IQGAP1: variants seen among roughly 807,000 people sequenced by gnomAD.
The protein encoded by IQGAP1 is ras GTPase-activating-like protein IQGAP1.
Under a neutral mutation model 215.6 loss-of-function variants are expected in IQGAP1, and 66 were observed. That is an observed-to-expected ratio of 0.31 (90% CI 0.25 to 0.38). The LOEUF (loss-of-function observed/expected upper bound fraction) is 0.38. Ranked by LOEUF, IQGAP1 falls within the 10% of genes least tolerant of loss-of-function variation. The probability of loss-of-function intolerance (pLI) is 1.00; values close to 1 mark genes in which losing one functional copy is unlikely to be tolerated. For missense variants in IQGAP1, 1,712 were observed against 1,997.1 expected (o/e 0.86, Z 2.72); for synonymous variants, 772 against 728.7 (o/e 1.06, Z -0.96).
chr15:90,476,979 A>G lies in IQGAP1; in HGVS notation c.2941-88A>G. On this transcript the variant is annotated intron_variant, in intron 24 of 37. Coordinates refer to ENST00000268182, the MANE Select transcript of IQGAP1 (RefSeq NM_003870.4). Reference sequence around the variant, plus strand: ...TTTATTAATCTTTTTTCTCATATGTATTGTAGTCCTTCAATTTTAAATAAT... The same window carrying G: ...TTTATTAATCTTTTTTCTCATATGTGTTGTAGTCCTTCAATTTTAAATAAT... The G allele has an allele frequency of 2.9e-6, 4 of 1,389,940 alleles. No individual in the cohort carries two copies. In the South Asian group the frequency reaches 5.0e-5, roughly 17 times the overall value. The allele number at this position is 1,389,940 out of a possible 1,614,324, so 86.1% of individuals were successfully genotyped here. A position where few individuals can be genotyped will look rare whatever the true frequency, so the allele number is the denominator to read the frequency against.
At chr15:90,451,200 A>T (rs2151023188) in intron 11 of IQGAP1, among the ~76,000 whole-genome samples, 1 of 152,332 alleles carries the variant, frequency 6.6e-6, no homozygotes, top group South Asian at 2.1e-4. Context: ...CAGTTTTCTC[A>T]ACACCATTTA....
At position 90,460,999 on chromosome 15, in the gene IQGAP1, TAA is replaced by T. The variant is rs36022965; in HGVS notation, c.1776+4707_1776+4708del. Among the ~76,000 whole-genome samples, 678 of 88,738 alleles carry T rather than the reference TAA, an allele frequency of 7.6e-3. 5 individuals are homozygous for T. The highest frequency in any genetic ancestry group is 0.027 in the African/African-American group (560 of 21,060). The allele number at this position is 88,738 out of a possible 152,430, so 58.2% of individuals were successfully genotyped here. On this transcript the variant is annotated intron_variant, in intron 15 of 37. Transcript: ENST00000268182. ...GAGTGACAAAGCAAGACCCTGTCTT[TAA>T]AAAAAAAAAAAAAAAAAAAAAAGGG...
At chr15:90,499,736 G>T (rs549496097) in intron 37 of IQGAP1, among the ~76,000 whole-genome samples, 18 of 152,300 alleles carry the variant, frequency 1.2e-4, no homozygotes, top group Non-Finnish European at 2.2e-4. Flanking sequence ...ATTTTGATAT[G>T]AACAACATGA....
At chr15:90,412,874 G>A (rs1291401575) in intron 2 of IQGAP1, among the ~76,000 whole-genome samples, 1 of 152,158 alleles carries the variant, frequency 6.6e-6, no homozygotes, top group Non-Finnish European at 1.5e-5. Flanking sequence ...GGTCAGTTCC[G>A]GCATTGGTAT....
rs1311279017 is a variant in IQGAP1 at position 90,475,787 on chromosome 15, A to G, written c.2785-876A>G. On this transcript the variant is annotated intron_variant, in intron 23 of 37. Coordinates refer to ENST00000268182, the MANE Select transcript of IQGAP1 (RefSeq NM_003870.4). ...AAAAAAAAAAAAAATTATTTAAGACATAAAACAACTTAATTGACAAAATTT... is the reference window on the plus strand; with the variant it reads ...AAAAAAAAAAAAAATTATTTAAGACGTAAAACAACTTAATTGACAAAATTT... 3 of 151,510 alleles carry G rather than the reference A, an allele frequency of 2.0e-5. No individual in the cohort carries two copies. In the East Asian group the frequency reaches 5.8e-4, roughly 29 times the overall value. The allele number at this position is 151,510 out of a possible 1,614,324, so 9.4% of individuals were successfully genotyped here.
intron 2 of IQGAP1, among the ~76,000 whole-genome samples, chr15:90,392,936 G>A (rs1964657096): frequency 6.6e-6 from 1 of 151,618 alleles, no homozygotes; most frequent in Admixed American, 6.6e-5. Context: ...GTAGAGACTG[G>A]GTTTCACCAT....
chr15:90,447,625 A>C (rs1025065866), intron 9 of IQGAP1, among the ~76,000 whole-genome samples: 1 of 152,186 alleles, frequency 6.6e-6, no homozygotes, highest in Non-Finnish European at 1.5e-5. Context: ...GGAAACGGAA[A>C]GTAAAAAAGT....
At chr15:90,464,049 A>G (rs1965797555) in intron 15 of IQGAP1, among the ~76,000 whole-genome samples, 1 of 152,238 alleles carries the variant, frequency 6.6e-6, no homozygotes, top group Admixed American at 6.5e-5. Flanking sequence ...ATTTAGGCAC[A>G]TAGTTATGGT....
Position 90,446,452 on chromosome 15 carries a change from G to A in IQGAP1, c.914-2121G>A, listed in dbSNP as rs1965529143. Among the ~76,000 whole-genome samples the A allele has an allele frequency of 2.0e-5, 3 of 152,174 alleles. 1 individual carries two copies. Among genetic ancestry groups the A allele is most frequent in the Admixed American group, 2.0e-4 (3 of 15,266 alleles). On this transcript the variant is annotated intron_variant, in intron 9 of 37. Coordinates refer to ENST00000268182, the MANE Select transcript of IQGAP1 (RefSeq NM_003870.4). ...GAGCAAGATGCCAAGAGCACATGTG[G>A]TGCAGTCATAGAATAAAGAAGGGAA...
chr15:90,474,957 G>A (rs117189704), intron 23 of IQGAP1: 13 of 409,300 alleles, frequency 3.2e-5, no homozygotes, highest in African/African-American at 1.0e-4. Flanking sequence ...TTACAGGCAC[G>A]TGACACTATA....
intron 2 of IQGAP1, among the ~76,000 whole-genome samples, chr15:90,397,445 A>G (rs943148300): frequency 6.6e-6 from 1 of 151,242 alleles, no homozygotes; most frequent in African/African-American, 2.4e-5. Context: ...AACGCTATGC[A>G]TCTTACAGAG....
chr15:90,402,120 G>A (rs1964813370), intron 2 of IQGAP1, among the ~76,000 whole-genome samples: 1 of 152,176 alleles, frequency 6.6e-6, no homozygotes, highest in Admixed American at 6.5e-5. Flanking sequence ...TCAATTTCCT[G>A]CCACTTATTT....
At chr15:90,395,487 A>AT (rs1262253542) in intron 2 of IQGAP1, among the ~76,000 whole-genome samples, 2 of 151,810 alleles carry the variant, frequency 1.3e-5, no homozygotes, top group Admixed American at 6.6e-5. Context: ...CGCCTGGCTA[A>AT]TTTTTTGTAT....
intron 8 of IQGAP1, among the ~76,000 whole-genome samples, chr15:90,442,868 A>G (rs905800481): frequency 2.6e-5 from 4 of 152,004 alleles, no homozygotes. Context: ...GCTACTCAGG[A>G]GGCTGAAGCA....
chr15:90,460,226 G>A (rs1965742593), intron 15 of IQGAP1, among the ~76,000 whole-genome samples: 1 of 152,070 alleles, frequency 6.6e-6, no homozygotes, highest in African/African-American at 2.4e-5. Flanking sequence ...GCCGCTGGTT[G>A]CCCATTTTAT....
chr15:90,487,605 C>G (rs369170773), intron 33 of IQGAP1, 23 bp downstream of exon 33: 19 of 1,516,896 alleles, frequency 1.3e-5, no homozygotes, highest in Non-Finnish European at 1.7e-5. Context: ...GTCTAACATA[C>G]TCCTTTGTTT....
chr15:90,492,781 T>C (rs895016093), intron 35 of IQGAP1, 70 bp downstream of exon 35: 1 of 1,308,290 alleles, frequency 7.6e-7, no homozygotes, highest in Non-Finnish European at 1.0e-6. Context: ...GCAACTGAAA[T>C]GACACTGGAA....
In IQGAP1 at chr15:90,482,020, G is replaced by T. The variant is rs542856485; in HGVS notation, c.3390G>T (p.Arg1130=). 1 of 1,614,230 alleles carries T rather than the reference G, an allele frequency of 6.2e-7. No homozygotes were observed. Among genetic ancestry groups the T allele is most frequent in the East Asian group, 2.2e-5 (1 of 44,888 alleles). Residue 1130 remains arginine (R), a synonymous_variant, in exon 27 of 38, where the codon CGG becomes CGT. Coordinates refer to ENST00000268182, the MANE Select transcript of IQGAP1 (RefSeq NM_003870.4). ...TAGCTCATGAAGAAGTGAAGACACG[G>T]CTAGACAGCTCCATCAGGAACATGC... ...QALAHEEVKT[R]LDSSIRNMRA...
chr15:90,487,697 T>G lies in IQGAP1; in HGVS notation c.4248+115T>G, dbSNP rs940510248. The G allele has an allele frequency of 1.0e-5, 7 of 690,076 alleles. No individual in the cohort carries two copies. The African/African-American group carries it at 1.3e-4, about 12-fold the overall frequency. 42.7% of individuals were successfully genotyped at this position (690,076 alleles called of 1,614,324 possible). On this transcript the variant is annotated intron_variant, in intron 33 of 37. Coordinates refer to ENST00000268182, the MANE Select transcript of IQGAP1 (RefSeq NM_003870.4). ...ACAGTTGGTAGCCTAGGGGTGAGCA[T>G]GAATGTAACTGGGGGACAGTGGTAG... is the stretch of plus-strand genomic sequence containing the variant.
Sources: allele counts gnomAD v4.1 joint callset (sites outside exome capture counted in the v4.1 genomes callset), GRCh38; gene constraint gnomAD v4.1.1; transcripts MANE v1.5; gene names NCBI Gene and HGNC (gene_info 2026-07-23, HGNC 2026-07-21).